Variants in SFI1 observed in about 807,000 individuals in gnomAD.
The protein encoded by SFI1 is protein SFI1 homolog.
Under a neutral mutation model 207.5 loss-of-function variants are expected in SFI1, and 195 were observed. The observed-to-expected ratio is 0.94, with a 90% CI of 0.84 to 1.06. SFI1 has a LOEUF of 1.06. Ranked by LOEUF, SFI1 falls within the 50% of genes least tolerant of loss-of-function variation. The pLI is 0.00. For synonymous variants in SFI1, 630 were observed against 598.9 expected (o/e 1.05, Z -0.76); for missense variants, 1,634 against 1,588.0 (o/e 1.03, Z -0.49).
intron 8 of SFI1, among the ~76,000 whole-genome samples, chr22:31,562,620 A>G (rs1462193964): frequency 1.4e-5 from 2 of 144,396 alleles, no homozygotes; most frequent in Non-Finnish European, 3.0e-5. Flanking sequence ...TGAAGCTTAG[A>G]GCCAGGTTTT....
chr22:31,564,500 A>C (rs903321180), intron 8 of SFI1, among the ~76,000 whole-genome samples: 1 of 151,226 alleles, frequency 6.6e-6, no homozygotes, highest in African/African-American at 2.4e-5. Context: ...TTGCTCCAGA[A>C]TTTTTTTTAA....
At chr22:31,544,125 A>T (rs896006868) in intron 4 of SFI1, among the ~76,000 whole-genome samples, 6 of 151,518 alleles carry the variant, frequency 4.0e-5, no homozygotes, top group African/African-American at 7.3e-5. Context: ...TGAGGTGGAG[A>T]TTACAGTGAG....
At chr22:31,523,422 T>C (rs1225015950) in intron 2 of SFI1, among the ~76,000 whole-genome samples, 4 of 152,236 alleles carry the variant, frequency 2.6e-5, no homozygotes, top group African/African-American at 7.2e-5. Context: ...AATCCAGTTT[T>C]AATTTCCAAG....
chr22:31,606,029 G>A (rs1399089910), intron 20 of SFI1: 3 of 360,148 alleles, frequency 8.3e-6, no homozygotes, highest in African/African-American at 4.1e-5. Flanking sequence ...TTATCACAGT[G>A]TGAGTCACCT....
intron 2 of SFI1, among the ~76,000 whole-genome samples, chr22:31,518,797 G>C (rs1312461630): frequency 6.6e-6 from 1 of 152,188 alleles, no homozygotes; most frequent in Non-Finnish European, 1.5e-5. Context: ...CCCTCTAGGA[G>C]TCTGGAATTT....
rs528780281 is a variant in SFI1 at position 31,579,545 on chromosome 22, GA to G, written c.1156-726del. ...TTAGCCAAGATGGTCTCGATCTCCT[GA>G]CCTCGTGATCCGCCCGCCTCGGCCT... On this transcript the variant is annotated intron_variant, in intron 11 of 32. Transcript: ENST00000400288. Among the ~76,000 whole-genome samples the G allele has an allele frequency of 8.9e-3, 1,352 of 152,228 alleles. 13 individuals are homozygous for G. Among genetic ancestry groups the G allele is most frequent in the Non-Finnish European group, 0.015 (991 of 67,998 alleles).
In SFI1 at chr22:31,583,884, A is replaced by G. The variant is rs371915020; in HGVS notation, c.1258A>G (p.Arg420Gly). The G allele has an allele frequency of 6.8e-6, 11 of 1,613,944 alleles. No individual in the cohort carries two copies. The African/African-American group carries it at 1.1e-4, about 16-fold the overall frequency. ...TCCTCCCTTGCTTTAGCTGCTGCAC[A>G]GGTTCTGGAACCTCTGGCGGTCTCA... ...HQQHGVTLLH[R>G]FWNLWRSQIE... The change falls in exon 13 of 33, where the codon AGG becomes GGG. Residue 420 changes from arginine (R) to glycine (G), a missense_variant. Transcript: ENST00000400288.
chr22:31,579,255 C>T (rs980277292), intron 11 of SFI1, among the ~76,000 whole-genome samples: 13 of 152,030 alleles, frequency 8.6e-5, no homozygotes, highest in African/African-American at 3.1e-4. Flanking sequence ...GTGATCCTTC[C>T]ACTTCAGCCT....
rs1280380109 is a variant in SFI1 at position 31,515,273 on chromosome 22, A to G, written c.92+6897A>G. On this transcript the variant is annotated intron_variant, in intron 2 of 32. Coordinates refer to ENST00000400288, the MANE Select transcript of SFI1 (RefSeq NM_001007467.3). ...TTGCTGGCAGTGTATGAACATGTTC[A>G]TTGACTTACCAACACTATACTAATC... Among the ~76,000 whole-genome samples, 6 of 152,074 alleles carry G rather than the reference A, an allele frequency of 3.9e-5. No individual in the cohort carries two copies. In the East Asian group the frequency reaches 1.2e-3, roughly 29 times the overall value.
chr22:31,611,082 A>G (rs761544713), intron 22 of SFI1, 61 bp from the exon 23 acceptor site: 284 of 1,610,186 alleles, frequency 1.8e-4, no homozygotes, highest in Non-Finnish European at 2.3e-4. Context: ...CACCTTCACC[A>G]TTATGTAGTC....
chr22:31,509,421 C>T (rs573787059), intron 2 of SFI1, among the ~76,000 whole-genome samples: 1 of 152,316 alleles, frequency 6.6e-6, no homozygotes, highest in African/African-American at 2.4e-5. Context: ...GGTGTAAGTC[C>T]AAGAATCCAA....
Position 31,550,265 on chromosome 22 carries a change from A to G in SFI1, c.461A>G (p.Tyr154Cys). 6.2e-7 allele frequency: 1 copy of G among 1,614,108 alleles called. No individual in the cohort carries two copies. Among genetic ancestry groups the G allele is most frequent in the Non-Finnish European group, 8.5e-7 (1 of 1,179,994 alleles). Residue 154 changes from tyrosine to cysteine, a missense_variant, in exon 6 of 33, where the codon TAC becomes TGC. Coordinates refer to ENST00000400288, the MANE Select transcript of SFI1 (RefSeq NM_001007467.3). ...TTTTGGCTCCTCAGGTATTACCTGTACAACCTGATGTTCCAGACGTGGAAG... is the reference window on the plus strand; with the variant it reads ...TTTTGGCTCCTCAGGTATTACCTGTGCAACCTGATGTTCCAGACGTGGAAG... The part of the protein sequence containing the change: ...RADCHYRYYL[Y>C]NLMFQTWKTY...
chr22:31,569,444 G>A (rs1317274180), intron 8 of SFI1, among the ~76,000 whole-genome samples: 2 of 152,118 alleles, frequency 1.3e-5, no homozygotes, highest in Non-Finnish European at 2.9e-5. Context: ...AAATACAGGG[G>A]TCAGAGGAAC....
At chr22:31,535,896 C>T (rs1171562205) in intron 4 of SFI1, among the ~76,000 whole-genome samples, 2 of 152,094 alleles carry the variant, frequency 1.3e-5, no homozygotes, top group African/African-American at 4.8e-5. Flanking sequence ...GCCACCACAC[C>T]TGCCTTATTA....
At chr22:31,526,203 A>G (rs1160021205) in intron 2 of SFI1, among the ~76,000 whole-genome samples, 3 of 152,218 alleles carry the variant, frequency 2.0e-5, no homozygotes, top group African/African-American at 7.2e-5. Flanking sequence ...GAGCATTCTC[A>G]TGCTGCTATG....
intron 7 of SFI1, among the ~76,000 whole-genome samples, chr22:31,559,058 C>T (rs2061431304): frequency 6.6e-6 from 1 of 152,148 alleles, no homozygotes; most frequent in East Asian, 2.0e-4. Context: ...CCACCCGCCT[C>T]GGCTTCCCAA....
At position 31,598,789 on chromosome 22, in the gene SFI1, C is replaced by CTTT. The variant is rs1203871840; in HGVS notation, c.1545-3403_1545-3401dup. 4.2e-4 allele frequency among the ~76,000 whole-genome samples: 27 copies of CTTT among 64,412 alleles called. 3 individuals carry two copies. The highest frequency in any genetic ancestry group is 1.8e-3 in the African/African-American group (26 of 14,226). The allele number at this position is 64,412 out of a possible 152,430, so 42.3% of individuals were successfully genotyped here. ...GTTGGATTGATACAGTCCAGTTTAT[C>CTTT]TTTTTTTTTTTTTTTTTTTTTTGAG... is the stretch of plus-strand genomic sequence containing the variant. On this transcript the variant is annotated intron_variant, in intron 15 of 32. Coordinates refer to ENST00000400288, the MANE Select transcript of SFI1 (RefSeq NM_001007467.3).
chr22:31,552,782 A>T (rs2060741810), intron 6 of SFI1, among the ~76,000 whole-genome samples: 2 of 152,028 alleles, frequency 1.3e-5, no homozygotes, highest in Non-Finnish European at 2.9e-5. Flanking sequence ...ACTAATTTAT[A>T]TTCCCACCAC....
intron 2 of SFI1, among the ~76,000 whole-genome samples, chr22:31,510,275 G>T (rs2055302366): frequency 6.6e-6 from 1 of 152,094 alleles, no homozygotes; most frequent in South Asian, 2.1e-4. Flanking sequence ...GCTCAGTGCA[G>T]TTTCTAACTC....
Sources: gnomAD v4.1 joint callset for allele counts (sites outside exome capture counted in the v4.1 genomes callset) on GRCh38, gnomAD v4.1.1 for gene constraint, MANE v1.5 for transcripts, NCBI Gene and HGNC (gene_info 2026-07-23, HGNC 2026-07-21) for gene names.